Variants in RNLS observed in about 807,000 individuals in gnomAD.
RNLS encodes renalase, FAD dependent amine oxidase, also known as renalase.
A neutral mutation model predicts 39.8 loss-of-function variants in RNLS; 39 were observed. The observed-to-expected ratio is 0.98, with a 90% CI of 0.76 to 1.28. The LOEUF (loss-of-function observed/expected upper bound fraction) is 1.28. RNLS is among the 50% of genes most tolerant of loss of function. The pLI is 0.00. For synonymous variants in RNLS, 147 were observed against 150.7 expected, an observed-to-expected ratio of 0.98 and a Z score of 0.18; for missense variants, 410 against 413.3, an observed-to-expected ratio of 0.99 and a Z score of 0.07.
intron 4 of RNLS, among the ~76,000 whole-genome samples, chr10:88,474,546 A>C (rs1028229874): frequency 2.6e-4 from 39 of 152,304 alleles, no homozygotes; most frequent in African/African-American, 9.1e-4. Context: ...AGTGTATTAA[A>C]TGGATTATAA....
intron 4 of RNLS, among the ~76,000 whole-genome samples, chr10:88,423,424 G>A (rs1854529002): frequency 6.6e-6 from 1 of 152,126 alleles, no homozygotes; most frequent in Admixed American, 6.5e-5. Flanking sequence ...CTAATTTCAT[G>A]GAAGTGGACA....
intron 4 of RNLS, among the ~76,000 whole-genome samples, chr10:88,551,014 T>C (rs541251886): frequency 2.0e-4 from 30 of 152,128 alleles, no homozygotes; most frequent in Non-Finnish European, 3.5e-4. Flanking sequence ...CCAAAGAAAA[T>C]ACACACCCGC....
At chr10:88,233,177 G>A in the RNLS span, among the ~76,000 whole-genome samples, 2 of 152,206 alleles carry the variant, frequency 1.3e-5, no homozygotes, top group East Asian at 1.9e-4. Context: ...CAGTCTGCAA[G>A]CAATTAGCGA....
At chr10:88,172,599 C>T in the RNLS span, among the ~76,000 whole-genome samples, 3 of 152,030 alleles carry the variant, frequency 2.0e-5, no homozygotes, top group Non-Finnish European at 4.4e-5. Context: ...AAATAGATTG[C>T]AAATATTTTC....
intron 4 of RNLS, among the ~76,000 whole-genome samples, chr10:88,509,449 A>AG (rs1369743339): frequency 9.5e-6 from 1 of 105,096 alleles, no homozygotes; most frequent in Non-Finnish European, 2.1e-5. Context: ...AGAGAGAGAG[A>AG]GAAAAAAAAG....
chr10:88,515,927 C>A (rs1302503875), intron 4 of RNLS, among the ~76,000 whole-genome samples: 1 of 151,934 alleles, frequency 6.6e-6, no homozygotes, highest in Non-Finnish European at 1.5e-5. Context: ...TAAAGTGAAG[C>A]CTTTAGGGTG....
chr10:88,509,460 G>GAGAGA (rs1357108011), intron 4 of RNLS, among the ~76,000 whole-genome samples: 1 of 140,204 alleles, frequency 7.1e-6, no homozygotes, highest in Non-Finnish European at 1.5e-5. Context: ...GAAAAAAAAG[G>GAGAGA]AGAGAAGAGG....
chr10:88,249,817 C>T, the RNLS span, among the ~76,000 whole-genome samples: 1 of 152,198 alleles, frequency 6.6e-6, no homozygotes, highest in Non-Finnish European at 1.5e-5. Context: ...AGTCATTCAG[C>T]ATCACTTCCC....
chr10:88,243,432 G>A, the RNLS span, among the ~76,000 whole-genome samples: 1 of 152,306 alleles, frequency 6.6e-6, no homozygotes, highest in African/African-American at 2.4e-5. Flanking sequence ...GTTCCATTTT[G>A]AGCATGCATA....
At position 88,301,465 on chromosome 10, in the gene RNLS, T is replaced by G. The variant is rs116045658; in HGVS notation, c.876+13001A>C. 2.9e-3 allele frequency among the ~76,000 whole-genome samples: 437 copies of G among 152,328 alleles called. 2 individuals carry two copies. The highest frequency in any genetic ancestry group is 9.0e-3 in the African/African-American group (373 of 41,576). On this transcript the variant is annotated intron_variant, in intron 6 of 6. Transcript: ENST00000331772. ...CAGTCCACCTGTCCCAAAGGGCCCA[T>G]TTTGGTTATCCGAAGGTCACTATAA...
At chr10:88,336,756 G>A (rs541220112) in intron 5 of RNLS, among the ~76,000 whole-genome samples, 3 of 152,224 alleles carry the variant, frequency 2.0e-5, no homozygotes, top group Non-Finnish European at 2.9e-5. Context: ...CAATACTTTC[G>A]GGTGCTGGAT....
At chr10:88,307,234 A>C (rs1005406459) in intron 6 of RNLS, among the ~76,000 whole-genome samples, 2 of 152,180 alleles carry the variant, frequency 1.3e-5, no homozygotes, top group Admixed American at 6.5e-5. Flanking sequence ...GGCAAAAGCT[A>C]GGAGTATTCC....
intron 4 of RNLS, among the ~76,000 whole-genome samples, chr10:88,427,830 G>A (rs768948410): frequency 2.0e-5 from 3 of 151,894 alleles, no homozygotes; most frequent in Middle Eastern, 3.2e-3. Context: ...AATGATCCAT[G>A]GCTTATGATC....
intron 4 of RNLS, among the ~76,000 whole-genome samples, chr10:88,448,488 A>G (rs1842175687): frequency 6.6e-6 from 1 of 152,322 alleles, no homozygotes; most frequent in East Asian, 1.9e-4. Context: ...ATCATTAAAA[A>G]GTCAGGAAAC....
At position 88,444,721 on chromosome 10, in the gene RNLS, G is replaced by C. The variant is rs565137307; in HGVS notation, c.527-81996C>G. Among the ~76,000 whole-genome samples, 273 of 152,320 alleles carry C rather than the reference G, an allele frequency of 1.8e-3. 2 individuals carry two copies. Among genetic ancestry groups the C allele is most frequent in the African/African-American group, 6.3e-3 (261 of 41,568 alleles). ...CGATCAACTGGAAGAAAGGGTGTCA[G>C]TGATTGAAGATCAAATGAATGAAAT... On this transcript the variant is annotated intron_variant, in intron 4 of 6. Coordinates refer to ENST00000331772, the MANE Select transcript of RNLS (RefSeq NM_001031709.3).
rs1217903555 is a variant in RNLS, at chr10:88,310,824, A to AAAAAAAG, written c.876+3641_876+3642insCTTTTTT. 7.1e-5 allele frequency among the ~76,000 whole-genome samples: 8 copies of AAAAAAAG among 113,410 alleles called. 2 individuals are homozygous for AAAAAAAG. The highest frequency in any genetic ancestry group is 1.5e-4 in the Non-Finnish European group (8 of 52,464). The allele number at this position is 113,410 out of a possible 152,430, so 74.4% of individuals were successfully genotyped here. ...GCCAAAAAAAAAAAAAAAAAAAAAAAAAAGAAAGAAAAGGAAGAGAAAAGG... is the reference window on the plus strand; with the variant it reads ...GCCAAAAAAAAAAAAAAAAAAAAAAAAAAAAAGAAAGAAAGAAAAGGAAGAGAAAAGG... On this transcript the variant is annotated intron_variant, in intron 6 of 6. Coordinates refer to ENST00000331772, the MANE Select transcript of RNLS (RefSeq NM_001031709.3).
chr10:88,321,738 T>C (rs548649263), intron 5 of RNLS, among the ~76,000 whole-genome samples: 3 of 150,396 alleles, frequency 2.0e-5, no homozygotes, highest in South Asian at 2.1e-4. Flanking sequence ...CTTCACAAGA[T>C]TGAATCAAGA....
At chr10:88,288,857 G>T (rs1485878403) in intron 6 of RNLS, among the ~76,000 whole-genome samples, 1 of 152,174 alleles carries the variant, frequency 6.6e-6, no homozygotes, top group Non-Finnish European at 1.5e-5. Flanking sequence ...GCATGTATTG[G>T]CAAGCTCCTT....
chr10:88,323,656 A>C (rs1213350511), intron 5 of RNLS, among the ~76,000 whole-genome samples: 1 of 152,230 alleles, frequency 6.6e-6, no homozygotes, highest in Non-Finnish European at 1.5e-5. Flanking sequence ...AAATACTAGA[A>C]GAAAACCTAG....
Sources: gnomAD v4.1 joint callset for allele counts (sites outside exome capture counted in the v4.1 genomes callset) on GRCh38, gnomAD v4.1.1 for gene constraint, MANE v1.5 for transcripts, NCBI Gene and HGNC (gene_info 2026-07-23, HGNC 2026-07-21) for gene names.